The following ALK variants were observed in gnomAD, a reference collection of about 807,000 sequenced individuals.
ALK encodes ALK receptor tyrosine kinase, also known as ALK tyrosine kinase receptor.
Under a neutral mutation model 163.1 loss-of-function variants are expected in ALK, and 74 were observed. That is an observed-to-expected ratio of 0.45 (90% confidence interval 0.38 to 0.55). ALK has a LOEUF of 0.55. Ranked by LOEUF, ALK falls within the 20% of genes least tolerant of loss-of-function variation. ALK has a pLI of 0.00. For synonymous variants in ALK, 960 were observed against 843.2 expected (o/e 1.14, Z -2.40); for missense variants, 2,063 against 2,105.3 (o/e 0.98, Z 0.39).
At chr2:29,774,647 C>CA (rs1339316184) in intron 1 of ALK, among the ~76,000 whole-genome samples, 1 of 152,158 alleles carries the variant, frequency 6.6e-6, no homozygotes, top group African/African-American at 2.4e-5. Context: ...GTTCTCTTTC[C>CA]ATAAAGTGCT....
intron 3 of ALK, among the ~76,000 whole-genome samples, chr2:29,682,688 A>C (rs1678112331): frequency 6.6e-6 from 1 of 152,198 alleles, no homozygotes; most frequent in Non-Finnish European, 1.5e-5. Context: ...GGGGCATCCC[A>C]AGCTGTTGTT....
chr2:29,221,328 A>T, intron 22 of ALK: 1 of 466,636 alleles, frequency 2.1e-6, no homozygotes, highest in Non-Finnish European at 4.3e-6. Context: ...TGGATTCCTC[A>T]TGGGAGGGAC....
At chr2:29,522,412 A>G (rs1672838634) in intron 4 of ALK, among the ~76,000 whole-genome samples, 1 of 152,166 alleles carries the variant, frequency 6.6e-6, no homozygotes, top group Admixed American at 6.5e-5. Flanking sequence ...ATTATCATAC[A>G]AATTACGGGG....
intron 3 of ALK, among the ~76,000 whole-genome samples, chr2:29,566,659 TG>T (rs1674198575): frequency 6.6e-6 from 1 of 152,158 alleles, no homozygotes; most frequent in Non-Finnish European, 1.5e-5. Flanking sequence ...TTAGTGGAAA[TG>T]ATTATGGAAG....
chr2:29,296,772 T>A, intron 9 of ALK, 116 bp downstream of exon 9: 1 of 1,239,452 alleles, frequency 8.1e-7, no homozygotes, highest in Non-Finnish European at 1.2e-6. Flanking sequence ...TATCGGTGTG[T>A]GGGCACATCT....
intron 1 of ALK, among the ~76,000 whole-genome samples, chr2:29,741,114 C>T (rs747230683): frequency 7.9e-5 from 12 of 152,146 alleles, no homozygotes; most frequent in Non-Finnish European, 1.8e-4. Flanking sequence ...GGACTATAGA[C>T]TGTATAATTC....
chr2:29,514,104 G>A (rs1253054461), intron 4 of ALK, among the ~76,000 whole-genome samples: 1 of 121,440 alleles, frequency 8.2e-6, no homozygotes, highest in African/African-American at 3.3e-5. Flanking sequence ...ATTCCTCAGG[G>A]ATCTAGAACT....
chr2:29,301,760 A>G (rs1666377084), intron 8 of ALK, among the ~76,000 whole-genome samples: 1 of 152,248 alleles, frequency 6.6e-6, no homozygotes, highest in South Asian at 2.1e-4. Flanking sequence ...GCCAGCCAGC[A>G]GCTGAGCTCT....
At chr2:29,213,953 T>C (rs374852987) in intron 24 of ALK, 31 bp downstream of exon 24, 18 of 1,578,572 alleles carry the variant, frequency 1.1e-5, no homozygotes, top group Non-Finnish European at 1.5e-5. Context: ...AGCGACAGGA[T>C]GACAGGAAGA....
intron 1 of ALK, among the ~76,000 whole-genome samples, chr2:29,810,558 A>C (rs913883125): frequency 6.6e-6 from 1 of 152,132 alleles, no homozygotes; most frequent in African/African-American, 2.4e-5. Context: ...CTGGGAGAAC[A>C]ATGTGAAGAG....
chr2:29,423,812 A>C (rs551557922), intron 4 of ALK, among the ~76,000 whole-genome samples: 23 of 152,320 alleles, frequency 1.5e-4, no homozygotes, highest in African/African-American at 5.1e-4. Flanking sequence ...ACACATTCTC[A>C]TATGTTTGCA....
intron 2 of ALK, among the ~76,000 whole-genome samples, chr2:29,698,236 A>C (rs1217021338): frequency 6.6e-6 from 1 of 152,166 alleles, no homozygotes; most frequent in Non-Finnish European, 1.5e-5. Context: ...GCTTGAAGAC[A>C]CCTGGTTTTC....
intron 4 of ALK, among the ~76,000 whole-genome samples, chr2:29,435,811 C>T (rs1186600865): frequency 1.3e-5 from 2 of 152,132 alleles, no homozygotes; most frequent in South Asian, 2.1e-4. Context: ...CACCTTACCT[C>T]CCACTTGTTA....
chr2:29,715,286 T>TAATCTTACCCAGAACTTGGGC (rs1253800946), intron 2 of ALK, among the ~76,000 whole-genome samples: 1 of 152,230 alleles, frequency 6.6e-6, no homozygotes, highest in Admixed American at 6.5e-5. Flanking sequence ...ATGACTTGGG[T>TAATCTTACCCAGAACTTGGGC]ACTCTTACCC....
intron 4 of ALK, among the ~76,000 whole-genome samples, chr2:29,395,396 A>C (rs576523679): frequency 6.6e-6 from 1 of 152,200 alleles, no homozygotes; most frequent in Non-Finnish European, 1.5e-5. Flanking sequence ...AGAATAGCTC[A>C]CAGACTTGTA....
chr2:29,441,761 A>G (rs959486928), intron 4 of ALK, among the ~76,000 whole-genome samples: 1 of 152,142 alleles, frequency 6.6e-6, no homozygotes, highest in African/African-American at 2.4e-5. Flanking sequence ...TTGCATTGAG[A>G]CTAAGGAGCA....
chr2:29,853,372 A>C (rs552143622), intron 1 of ALK, among the ~76,000 whole-genome samples: 1 of 152,162 alleles, frequency 6.6e-6, no homozygotes, highest in African/African-American at 2.4e-5. Flanking sequence ...ACTCAACCAA[A>C]ATCCAGGCTT....
intron 3 of ALK, among the ~76,000 whole-genome samples, chr2:29,575,201 G>C (rs1463679888): frequency 6.6e-6 from 1 of 152,142 alleles, no homozygotes; most frequent in Non-Finnish European, 1.5e-5. Flanking sequence ...GGTGTTGCGG[G>C]GGGAGGTGGA....
chr2:29,361,694 T>A (rs1364587933), intron 5 of ALK, among the ~76,000 whole-genome samples: 1 of 152,148 alleles, frequency 6.6e-6, no homozygotes, highest in Non-Finnish European at 1.5e-5. Context: ...ATGTAGGGTC[T>A]TTTTCAGTGG....
Sources: gnomAD v4.1 joint callset for allele counts (sites outside exome capture counted in the v4.1 genomes callset) on GRCh38, gnomAD v4.1.1 for gene constraint, MANE v1.5 for transcripts, NCBI Gene and HGNC (gene_info 2026-07-23, HGNC 2026-07-21) for gene names.